The following SKA2 variants were observed in gnomAD, a reference collection of about 807,000 sequenced individuals.
SKA2 encodes spindle and kinetochore associated complex subunit 2, also known as spindle and kinetochore-associated protein 2.
SKA2 carries 13 observed loss-of-function variants against 16.9 expected under a neutral mutation model. That is an observed-to-expected ratio of 0.77 (90% CI 0.50 to 1.22). SKA2 has a LOEUF of 1.22. Ranked by LOEUF, SKA2 falls within the 50% of genes most tolerant of loss-of-function variation. The probability of loss-of-function intolerance (pLI) is 0.00; values close to 1 mark genes in which losing one functional copy is unlikely to be tolerated. For missense variants in SKA2, 107 were observed against 139.7 expected (o/e 0.77, Z 1.18); for synonymous variants, 47 against 48.5 (o/e 0.97, Z 0.13).
chr17:59,113,243 G>A (rs1047231293), intron 3 of SKA2, among the ~76,000 whole-genome samples: 3 of 151,836 alleles, frequency 2.0e-5, no homozygotes, highest in African/African-American at 7.2e-5. Flanking sequence ...AAAAGAGGCC[G>A]GACGCGGTGG....
At position 59,112,075 on chromosome 17, in the gene SKA2, CT is replaced by C. The variant is rs2046267026; in HGVS notation, c.*201del. On this transcript the variant is annotated 3_prime_UTR_variant, in exon 4 of 4. Transcript: ENST00000330137. ...TAAATCGTTTTATTCTCATTTGATC[CT>C]TTTGGCTGAACTTTATTCATATATT... 3.6e-6 allele frequency: 2 copies of C among 558,264 alleles called. No individual in the cohort carries two copies. The highest frequency in any genetic ancestry group is 2.5e-5 in the South Asian group (1 of 40,174). 34.6% of individuals were successfully genotyped at this position (558,264 alleles called of 1,614,324 possible). A position where few individuals can be genotyped will look rare whatever the true frequency, so the allele number is the denominator to read the frequency against.
At chr17:59,125,004 G>A (rs1016458664) in intron 2 of SKA2, among the ~76,000 whole-genome samples, 6 of 143,256 alleles carry the variant, frequency 4.2e-5, no homozygotes, top group East Asian at 4.1e-4. Context: ...ATGGAGTTTC[G>A]CTCTTGTTTC....
intron 2 of SKA2, among the ~76,000 whole-genome samples, chr17:59,119,996 C>A (rs2046321810): frequency 6.6e-6 from 1 of 151,578 alleles, no homozygotes; most frequent in Admixed American, 6.6e-5. Flanking sequence ...GCAAGCTTCA[C>A]CTCCCAGGTT....
intron 1 of SKA2, among the ~76,000 whole-genome samples, chr17:59,147,664 A>G (rs1425438624): frequency 6.7e-6 from 1 of 150,278 alleles, no homozygotes; most frequent in Non-Finnish European, 1.5e-5. Context: ...GAGTCTGGCT[A>G]TGTTGCCCAG....
rs535822570 is a variant in SKA2 at position 59,143,962 on chromosome 17, C to T, written c.33+11169G>A. On this transcript the variant is annotated intron_variant, in intron 1 of 3. Transcript: ENST00000330137. ...CATGATGTCAAGAGATTGAGACCAT[C>T]CCGGCCAACATGGTGAAACCCTGTC... Among the ~76,000 whole-genome samples, 36 of 152,092 alleles carry T rather than the reference C, an allele frequency of 2.4e-4. No individual in the cohort carries two copies. In the East Asian group the frequency reaches 6.8e-3, roughly 29 times the overall value.
intron 2 of SKA2, among the ~76,000 whole-genome samples, chr17:59,130,775 A>G (rs566308397): frequency 1.3e-5 from 2 of 152,320 alleles, no homozygotes; most frequent in African/African-American, 2.4e-5. Context: ...ACATGTATGT[A>G]TACTTACACT....
At chr17:59,141,725 A>G (rs948364677) in intron 1 of SKA2, among the ~76,000 whole-genome samples, 1 of 146,274 alleles carries the variant, frequency 6.8e-6, no homozygotes, top group African/African-American at 2.5e-5. Flanking sequence ...CCTTGTCTCA[A>G]AAAAAAAAAA....
chr17:59,117,764 A>G (rs1243949202), intron 3 of SKA2, among the ~76,000 whole-genome samples: 1 of 152,058 alleles, frequency 6.6e-6, no homozygotes, highest in African/African-American at 2.4e-5. Context: ...AAGACTCACT[A>G]TATCCAACAT....
intron 1 of SKA2, among the ~76,000 whole-genome samples, chr17:59,132,068 A>G (rs2046415028): frequency 6.6e-6 from 1 of 152,210 alleles, no homozygotes; most frequent in South Asian, 2.1e-4. Flanking sequence ...TAAAAATATC[A>G]GTATTGGCCG....
At chr17:59,125,625 A>G (rs376907198) in intron 2 of SKA2, among the ~76,000 whole-genome samples, 3 of 149,276 alleles carry the variant, frequency 2.0e-5, no homozygotes, top group African/African-American at 2.5e-5. Flanking sequence ...ACTTGAACCC[A>G]GTGAGCCGAG....
intron 1 of SKA2, among the ~76,000 whole-genome samples, chr17:59,138,198 T>C (rs1041609709): frequency 6.6e-6 from 1 of 151,976 alleles, no homozygotes; most frequent in African/African-American, 2.4e-5. Flanking sequence ...AATACAAAAT[T>C]AGGTGAAAAA....
intron 1 of SKA2, chr17:59,151,118 CAA>C (rs1205169623): frequency 2.0e-6 from 1 of 494,102 alleles, no homozygotes; most frequent in South Asian, 1.5e-5. Context: ...AGGTAAGAAT[CAA>C]AATTCTGGCG....
chr17:59,129,913 G>GA lies in SKA2; in HGVS notation c.120+1367dup, dbSNP rs1255584913. ...GGAGGAAGGAAAAGAGGGAGGGAGG[G>GA]AGGGAGGGAAGGAAGGAAGGAAGGA... On this transcript the variant is annotated intron_variant, in intron 2 of 3. Transcript: ENST00000330137. 3.1e-5 allele frequency among the ~76,000 whole-genome samples: 4 copies of GA among 127,526 alleles called. No homozygotes were observed. In the Admixed American group the frequency reaches 3.2e-4, roughly 10 times the overall value. The allele number at this position is 127,526 out of a possible 152,430, so 83.7% of individuals were successfully genotyped here. A position where few individuals can be genotyped will look rare whatever the true frequency, so the allele number is the denominator to read the frequency against.
At chr17:59,119,192 A>G in intron 3 of SKA2, 127 bp downstream of exon 3, 1 of 953,022 alleles carries the variant, frequency 1.0e-6, no homozygotes, top group Non-Finnish European at 1.5e-6. Flanking sequence ...TCAGGGTATC[A>G]GGAAAATCTT....
At chr17:59,130,205 A>AT (rs1378964256) in intron 2 of SKA2, among the ~76,000 whole-genome samples, 1 of 152,098 alleles carries the variant, frequency 6.6e-6, no homozygotes, top group African/African-American at 2.4e-5. Flanking sequence ...TTTCTATAAA[A>AT]TGTTAGTTTA....
At chr17:59,143,102 A>C (rs2046505037) in intron 1 of SKA2, among the ~76,000 whole-genome samples, 2 of 151,584 alleles carry the variant, frequency 1.3e-5, no homozygotes, top group African/African-American at 4.8e-5. Flanking sequence ...TGTCTCTCTT[A>C]TTTATGGTAT....
At chr17:59,140,706 G>A (rs1405014818) in intron 1 of SKA2, among the ~76,000 whole-genome samples, 2 of 149,794 alleles carry the variant, frequency 1.3e-5, no homozygotes, top group Admixed American at 1.3e-4. Context: ...TGCCTCCCGG[G>A]TTCACGCCAT....
At chr17:59,144,088 C>T (rs901592932) in intron 1 of SKA2, among the ~76,000 whole-genome samples, 4 of 151,694 alleles carry the variant, frequency 2.6e-5, no homozygotes, top group Admixed American at 2.0e-4. Context: ...CCCCAGAGGC[C>T]GAGGTTGCAA....
At chr17:59,120,980 G>A (rs1886381766) in intron 2 of SKA2, among the ~76,000 whole-genome samples, 1 of 151,692 alleles carries the variant, frequency 6.6e-6, no homozygotes, top group South Asian at 2.1e-4. Context: ...GTGAAACCCC[G>A]TCTCTACGAA....
Sources: gnomAD v4.1 joint callset for allele counts (sites outside exome capture counted in the v4.1 genomes callset) on GRCh38, gnomAD v4.1.1 for gene constraint, MANE v1.5 for transcripts, NCBI Gene and HGNC (gene_info 2026-07-23, HGNC 2026-07-21) for gene names.